The following GLIS3 variants were observed in gnomAD, a reference collection of about 807,000 sequenced individuals.
GLIS3 encodes the protein GLIS family zinc finger 3.
In GLIS3, 53 loss-of-function variants were observed where a neutral mutation model predicts 78.6. The observed-to-expected ratio is 0.67, with a 90% CI of 0.54 to 0.85. The LOEUF (loss-of-function observed/expected upper bound fraction) is 0.85. Among genes scored for constraint, GLIS3 ranks in the 40% least tolerant of loss-of-function variants. The probability of loss-of-function intolerance (pLI) is 0.00; values close to 1 mark genes in which losing one functional copy is unlikely to be tolerated. For synonymous variants in GLIS3, 684 were observed against 509.9 expected (o/e 1.34, Z -4.60); for missense variants, 1,703 against 1,231.1 (o/e 1.38, Z -5.74).
chr9:4,260,617 A>G (rs763310140), intron 2 of GLIS3, among the ~76,000 whole-genome samples: 22 of 151,504 alleles, frequency 1.5e-4, no homozygotes, highest in Non-Finnish European at 2.9e-4. Flanking sequence ...ATGGTGGTGC[A>G]TACCTGTAGT....
chr9:4,406,744 G>A, the GLIS3 span, among the ~76,000 whole-genome samples: 44 of 152,148 alleles, frequency 2.9e-4, 1 homozygote, highest in South Asian at 4.8e-3. Flanking sequence ...AACCAAATAC[G>A]TGAAAGATCT....
chr9:4,368,767 A>G, the GLIS3 span, among the ~76,000 whole-genome samples: 1,893 of 152,316 alleles, frequency 0.012, 45 homozygotes, highest in African/African-American at 0.043. Context: ...GGAGGATAGT[A>G]GCATGCACTG....
chr9:4,270,117 T>C (rs1182791317), intron 2 of GLIS3, among the ~76,000 whole-genome samples: 1 of 152,200 alleles, frequency 6.6e-6, no homozygotes, highest in Non-Finnish European at 1.5e-5. Flanking sequence ...CTTCTCTGAA[T>C]ACTGGTTTCC....
At chr9:4,318,192 T>C (rs987607875) in intron 2 of GLIS3, among the ~76,000 whole-genome samples, 1 of 152,184 alleles carries the variant, frequency 6.6e-6, no homozygotes, top group East Asian at 1.9e-4. Context: ...GCAGTTACAA[T>C]GATGGAAAGT....
Position 3,954,264 on chromosome 9 carries a change from C to T in GLIS3, c.1711-17075G>A, listed in dbSNP as rs1413855258. 2.6e-5 allele frequency among the ~76,000 whole-genome samples: 4 copies of T among 152,220 alleles called. No homozygotes were observed. In the East Asian group the frequency reaches 5.8e-4, roughly 22 times the overall value. On this transcript the variant is annotated intron_variant, in intron 4 of 10. Coordinates refer to ENST00000381971, the MANE Select transcript of GLIS3 (RefSeq NM_001042413.2). ...ATCTATGGTTTGTCACTTAACACAACTGTAGAGCTGCAAATGTGACCTAGA... is the reference window on the plus strand; with the variant it reads ...ATCTATGGTTTGTCACTTAACACAATTGTAGAGCTGCAAATGTGACCTAGA...
intron 4 of GLIS3, among the ~76,000 whole-genome samples, chr9:4,059,829 T>TGTGTGTGTGAGAGA: frequency 0.017 from 1,680 of 100,696 alleles, 28 homozygotes; most frequent in Middle Eastern, 0.038. Flanking sequence ...TGTGTGTGTG[T>TGTGTGTGTGAGAGA]GAGAGAGAGA....
intron 4 of GLIS3, among the ~76,000 whole-genome samples, chr9:4,113,462 T>C (rs1193760296): frequency 6.6e-6 from 1 of 152,156 alleles, no homozygotes; most frequent in African/African-American, 2.4e-5. Flanking sequence ...CGTTAAAGGG[T>C]ATCCACTTCT....
chr9:4,096,491 G>C (rs1829958252), intron 4 of GLIS3, among the ~76,000 whole-genome samples: 1 of 152,182 alleles, frequency 6.6e-6, no homozygotes, highest in African/African-American at 2.4e-5. Context: ...AATTTTTAAA[G>C]GTGGGGTTGG....
chr9:4,256,902 T>C (rs1363178523), intron 2 of GLIS3, among the ~76,000 whole-genome samples: 2 of 152,206 alleles, frequency 1.3e-5, no homozygotes, highest in African/African-American at 2.4e-5. Context: ...ACTCCCATGT[T>C]CACTGAAGCA....
intron 2 of GLIS3, among the ~76,000 whole-genome samples, chr9:4,220,265 A>G (rs1821205191): frequency 6.6e-6 from 1 of 152,278 alleles, no homozygotes; most frequent in Middle Eastern, 3.2e-3. Flanking sequence ...GGAGTTAGAA[A>G]ATGATTAGCT....
intron 8 of GLIS3, among the ~76,000 whole-genome samples, chr9:3,868,763 C>CTAAT (rs1820772545): frequency 6.6e-6 from 1 of 152,178 alleles, no homozygotes; most frequent in South Asian, 2.1e-4. Context: ...AGGTTACTCC[C>CTAAT]TAATTTCTAC....
chr9:4,155,654 C>A (rs1422978834), intron 2 of GLIS3, among the ~76,000 whole-genome samples: 1 of 152,172 alleles, frequency 6.6e-6, no homozygotes, highest in Admixed American at 6.5e-5. Flanking sequence ...GGTACAGTGT[C>A]TACTTCTCCT....
chr9:4,168,548 T>C (rs1816088403), intron 2 of GLIS3, among the ~76,000 whole-genome samples: 1 of 152,338 alleles, frequency 6.6e-6, no homozygotes, highest in South Asian at 2.1e-4. Context: ...AGCTCTTTAG[T>C]TCATGTCTAC....
At chr9:4,205,516 G>C (rs1047554877) in intron 2 of GLIS3, among the ~76,000 whole-genome samples, 1 of 152,220 alleles carries the variant, frequency 6.6e-6, no homozygotes, top group Non-Finnish European at 1.5e-5. Flanking sequence ...AGAATGTGAT[G>C]TCTGGAGCTG....
intron 2 of GLIS3, among the ~76,000 whole-genome samples, chr9:4,268,472 T>G (rs1180369491): frequency 1.3e-5 from 2 of 152,176 alleles, no homozygotes; most frequent in African/African-American, 4.8e-5. Flanking sequence ...TTCTGAACAC[T>G]TTTCAAATAT....
chr9:4,107,727 T>C (rs1830872450), intron 4 of GLIS3, among the ~76,000 whole-genome samples: 1 of 150,768 alleles, frequency 6.6e-6, no homozygotes, highest in South Asian at 2.1e-4. Context: ...TAATTTGTTT[T>C]CAGATCAGAA....
intron 4 of GLIS3, among the ~76,000 whole-genome samples, chr9:4,085,294 C>T (rs77448463): frequency 4.0e-5 from 6 of 151,642 alleles, no homozygotes; most frequent in Non-Finnish European, 8.8e-5. Flanking sequence ...TCCATTTAAG[C>T]ATTGATATTT....
At chr9:4,179,737 C>G (rs1817131755) in intron 2 of GLIS3, among the ~76,000 whole-genome samples, 1 of 151,956 alleles carries the variant, frequency 6.6e-6, no homozygotes, top group South Asian at 2.1e-4. Context: ...TGGTGAAACC[C>G]CGTCTCTACT....
chr9:4,300,709 C>T (rs867266738), upstream of GLIS3, among the ~76,000 whole-genome samples: 1 of 151,752 alleles, frequency 6.6e-6, no homozygotes, highest in African/African-American at 2.4e-5. Context: ...CCTCATACCC[C>T]ACCTAAGCTC....
Sources: gnomAD v4.1 joint callset for allele counts (sites outside exome capture counted in the v4.1 genomes callset) on GRCh38, gnomAD v4.1.1 for gene constraint, MANE v1.5 for transcripts, NCBI Gene and HGNC (gene_info 2026-07-23, HGNC 2026-07-21) for gene names.